Variants in AUTS2 observed in about 807,000 individuals in gnomAD.
AUTS2 encodes the protein autism susceptibility gene 2 protein.
AUTS2 carries 17 observed loss-of-function variants against 112.4 expected under a neutral mutation model. That is an observed-to-expected ratio of 0.15 (90% CI 0.10 to 0.23). The LOEUF (loss-of-function observed/expected upper bound fraction) is 0.23. Among genes scored for constraint, AUTS2 ranks in the 10% least tolerant of loss-of-function variants. The probability of loss-of-function intolerance (pLI) is 1.00; values close to 1 mark genes in which losing one functional copy is unlikely to be tolerated. For missense variants in AUTS2, 1,510 were observed against 1,701.6 expected (o/e 0.89, Z 1.98); for synonymous variants, 751 against 702.7 (o/e 1.07, Z -1.09).
intron 6 of AUTS2, among the ~76,000 whole-genome samples, chr7:70,728,762 G>A (rs62456828): frequency 0.026 from 3,849 of 150,524 alleles, 76 homozygotes; most frequent in Middle Eastern, 0.049. Flanking sequence ...TGCAAGTTGT[G>A]CCTTTGACCA....
At chr7:70,664,370 G>A (rs895364290) in intron 5 of AUTS2, among the ~76,000 whole-genome samples, 1 of 152,166 alleles carries the variant, frequency 6.6e-6, no homozygotes, top group Admixed American at 6.5e-5. Context: ...GTGGGATTTT[G>A]TGTTGTTGTT....
At chr7:70,532,594 A>G (rs943700621) in intron 5 of AUTS2, among the ~76,000 whole-genome samples, 2 of 152,160 alleles carry the variant, frequency 1.3e-5, no homozygotes, top group African/African-American at 2.4e-5. Flanking sequence ...CTATTCCTGC[A>G]TTCGCGTATC....
chr7:69,779,343 G>A (rs1789043147), intron 1 of AUTS2, among the ~76,000 whole-genome samples: 1 of 152,148 alleles, frequency 6.6e-6, no homozygotes. Flanking sequence ...CACATTGACT[G>A]CCCAGGCATT....
intron 1 of AUTS2, among the ~76,000 whole-genome samples, chr7:69,739,114 C>A (rs1285560354): frequency 6.6e-6 from 1 of 152,028 alleles, no homozygotes; most frequent in Non-Finnish European, 1.5e-5. Flanking sequence ...GGATATAAAA[C>A]CAATCTTCAG....
chr7:70,733,028 C>CT (rs1023030244), intron 6 of AUTS2, among the ~76,000 whole-genome samples: 5 of 152,116 alleles, frequency 3.3e-5, no homozygotes, highest in African/African-American at 1.2e-4. Context: ...GCTTCCTAAT[C>CT]AGTTTGTTAA....
chr7:69,742,111 C>CTTTTT (rs752148406), intron 1 of AUTS2, among the ~76,000 whole-genome samples: 17 of 125,682 alleles, frequency 1.4e-4, no homozygotes, highest in African/African-American at 4.6e-4. Context: ...CCTATTTTAC[C>CTTTTT]TTTTTTTTTT....
intron 4 of AUTS2, among the ~76,000 whole-genome samples, chr7:70,372,170 T>G (rs1476339170): frequency 6.6e-6 from 1 of 152,176 alleles, no homozygotes; most frequent in Admixed American, 6.5e-5. Flanking sequence ...AAATGAAAAC[T>G]GATATTCCAG....
chr7:69,710,935 G>T (rs1798295052), intron 1 of AUTS2, among the ~76,000 whole-genome samples: 3 of 152,110 alleles, frequency 2.0e-5, no homozygotes, highest in Admixed American at 1.3e-4. Context: ...CATTGTCAGG[G>T]CTGGTCTCAA....
intron 6 of AUTS2, among the ~76,000 whole-genome samples, chr7:70,703,895 G>A (rs1809596799): frequency 6.6e-6 from 1 of 152,154 alleles, no homozygotes; most frequent in African/African-American, 2.4e-5. Flanking sequence ...TAGTATTTAA[G>A]GGTAATTGGT....
At chr7:70,030,751 ATTAGAC>A (rs1246764087) in intron 2 of AUTS2, among the ~76,000 whole-genome samples, 3 of 152,178 alleles carry the variant, frequency 2.0e-5, no homozygotes, top group Admixed American at 6.6e-5. Context: ...TAGTTTTCAA[ATTAGAC>A]TTAGAGCTTC....
At chr7:69,623,381 A>ATTTTTTTTTT (rs56204810) in intron 1 of AUTS2, among the ~76,000 whole-genome samples, 1 of 71,954 alleles carries the variant, frequency 1.4e-5, no homozygotes, top group African/African-American at 5.5e-5. Flanking sequence ...ACGCCCAGCA[A>ATTTTTTTTTT]TTTTTTTTTT....
chr7:69,996,042 G>A (rs138544274), intron 2 of AUTS2, among the ~76,000 whole-genome samples: 1 of 152,262 alleles, frequency 6.6e-6, no homozygotes, highest in East Asian at 1.9e-4. Flanking sequence ...AGGAATGAAT[G>A]ACCATTTTAA....
chr7:70,595,388 A>T (rs1803146529), intron 5 of AUTS2, among the ~76,000 whole-genome samples: 1 of 152,124 alleles, frequency 6.6e-6, no homozygotes, highest in Non-Finnish European at 1.5e-5. Flanking sequence ...ATGTTGGCAT[A>T]GTTCAGAAAC....
At chr7:70,765,381 T>C (rs1283291027) in intron 8 of AUTS2, among the ~76,000 whole-genome samples, 2 of 152,152 alleles carry the variant, frequency 1.3e-5, no homozygotes, top group East Asian at 1.9e-4. Flanking sequence ...GGATCTTAGA[T>C]TGTGTCCTGG....
intron 2 of AUTS2, among the ~76,000 whole-genome samples, chr7:69,899,763 T>G (rs2129540528): frequency 6.6e-6 from 1 of 152,326 alleles, no homozygotes; most frequent in African/African-American, 2.4e-5. Context: ...GTACTGGTAT[T>G]TAGGGCAGAC....
At chr7:70,692,059 G>T (rs1389611647) in intron 5 of AUTS2, among the ~76,000 whole-genome samples, 1 of 151,864 alleles carries the variant, frequency 6.6e-6, no homozygotes, top group Middle Eastern at 3.2e-3. Context: ...GTAGAGACGG[G>T]GTTTCGCCAT....
intron 2 of AUTS2, among the ~76,000 whole-genome samples, chr7:70,034,006 G>A (rs1241564013): frequency 2.0e-5 from 3 of 151,964 alleles, no homozygotes; most frequent in Non-Finnish European, 2.9e-5. Context: ...AGAGGTGATG[G>A]GTATGCTAAT....
At position 69,698,865 on chromosome 7, in the gene AUTS2, A is replaced by G. The variant is rs1238261617; in HGVS notation, c.309+98903A>G. On this transcript the variant is annotated intron_variant, in intron 1 of 18. Coordinates refer to ENST00000342771, the MANE Select transcript of AUTS2 (RefSeq NM_015570.4). ...CTTGGGGAGGGGAAGGTTAAAGATA[A>G]GGGGTGGGTATGTATGGGAAGGAAA... Among the ~76,000 whole-genome samples, 4 of 152,268 alleles carry G rather than the reference A, an allele frequency of 2.6e-5. No individual in the cohort carries two copies. The East Asian group carries it at 5.8e-4, about 22-fold the overall frequency.
intron 2 of AUTS2, among the ~76,000 whole-genome samples, chr7:70,085,079 G>A (rs1287217425): frequency 6.6e-6 from 1 of 152,062 alleles, no homozygotes; most frequent in Admixed American, 6.6e-5. Flanking sequence ...GTTTCACCGT[G>A]TTGCCGTGGC....
Sources: allele counts gnomAD v4.1 joint callset (sites outside exome capture counted in the v4.1 genomes callset), GRCh38; gene constraint gnomAD v4.1.1; transcripts MANE v1.5; gene names NCBI Gene and HGNC (gene_info 2026-07-23, HGNC 2026-07-21).